The following CA12 variants were observed in gnomAD, a reference collection of about 807,000 sequenced individuals.
The protein encoded by CA12 is carbonate dehydratase XII.
In CA12, 36 loss-of-function variants were observed where a neutral mutation model predicts 46.8. The observed-to-expected ratio is 0.77, with a 90% CI of 0.59 to 1.02. The LOEUF (loss-of-function observed/expected upper bound fraction) is 1.02. CA12 is among the 50% of genes least tolerant of loss of function. The probability of loss-of-function intolerance (pLI) is 0.00; values close to 1 mark genes in which losing one functional copy is unlikely to be tolerated. For missense variants in CA12, 436 were observed against 451.4 expected (o/e 0.97, Z 0.31); for synonymous variants, 202 against 187.0 (o/e 1.08, Z -0.65).
At chr15:63,353,648 G>A (rs778356344) in intron 2 of CA12, among the ~76,000 whole-genome samples, 73 of 152,280 alleles carry the variant, frequency 4.8e-4, no homozygotes, top group Non-Finnish European at 8.7e-4. Context: ...AGAGGGGACC[G>A]CAGACTTCAT....
Position 63,340,128 on chromosome 15 carries a change from G to A in CA12, c.747+160C>T, listed in dbSNP as rs1253836365. ...CTTGACTTCTTTTGAAGCTCAGCCT[G>A]GAATTTCTGCGGTGCTTTCAGACAC... is the stretch of plus-strand genomic sequence containing the variant. On this transcript the variant is annotated intron_variant, in intron 7 of 10. Coordinates refer to ENST00000178638, the MANE Select transcript of CA12 (RefSeq NM_001218.5). This position sits in a 1 kb window ranked among gnomAD's most constrained non-coding sequence, Gnocchi z 4.4. 5.9e-6 allele frequency: 5 copies of A among 840,520 alleles called. No homozygotes were observed. The highest frequency in any genetic ancestry group is 2.7e-5 in the East Asian group (1 of 37,452). The allele number at this position is 840,520 out of a possible 1,614,324, so 52.1% of individuals were successfully genotyped here.
At chr15:63,337,790 T>A (rs1023151811) in intron 8 of CA12, among the ~76,000 whole-genome samples, 6 of 152,218 alleles carry the variant, frequency 3.9e-5, no homozygotes, top group African/African-American at 9.6e-5. Context: ...TTGGTCAGGC[T>A]GGACTTGAAC....
At chr15:63,349,082 CA>C (rs2039191316) in intron 2 of CA12, among the ~76,000 whole-genome samples, 1 of 152,140 alleles carries the variant, frequency 6.6e-6, no homozygotes, top group Non-Finnish European at 1.5e-5. Flanking sequence ...ATTCCAGCAT[CA>C]GCTGTCCCAA....
At position 63,340,429 on chromosome 15, in the gene CA12, G is replaced by A. The variant is rs1187519672; in HGVS notation, c.606C>T (p.Val202=). Residue 202 remains valine, a synonymous_variant, in exon 7 of 11, where the codon GTC becomes GTT. Transcript: ENST00000178638. This position sits in a 1 kb window ranked among gnomAD's most constrained non-coding sequence, Gnocchi z 4.4. ...HVKYKGQEAF[V]PGFNIEELLP... ...GCAGCTCTTCAATGTTGAATCCCGG[G>A]ACGAATGCTTCCTGGCCTAGAGAGA... 1.2e-6 allele frequency: 2 copies of A among 1,614,148 alleles called. No homozygotes were observed. Among genetic ancestry groups the A allele is most frequent in the East Asian group, 2.2e-5 (1 of 44,884 alleles).
At chr15:63,343,162 T>C (rs1406087665) in intron 4 of CA12, among the ~76,000 whole-genome samples, 2 of 152,070 alleles carry the variant, frequency 1.3e-5, no homozygotes, top group Non-Finnish European at 2.9e-5. Context: ...TATTTCCTTT[T>C]ACAGCTGACC....
chr15:63,327,149 C>T lies in CA12; in HGVS notation c.992G>A (p.Ser331Asn), dbSNP rs144490634. ...CCATTTTGGACCCAAACCAGCTCAC[C>T]TCTTCCTTCTGAAAAGCCAAATGGA... ...VVSIWLFRRK[S>N]IKKGDNKGVI... The change falls in exon 10 of 11, where the codon AGT becomes AAT. Residue 331 changes from serine to asparagine, a missense_variant and splice_region_variant. Transcript: ENST00000178638. The surrounding 1 kb of genome is among the most constrained non-coding windows in gnomAD (Gnocchi z 4.5). The T allele has an allele frequency of 4.2e-5, 68 of 1,613,858 alleles. No homozygotes were observed. In the African/African-American group the frequency reaches 8.3e-4, roughly 20 times the overall value.
chr15:63,326,114 T>G lies in CA12; in HGVS notation c.*171A>C, dbSNP rs1595772014. 1 of 655,868 alleles carries G rather than the reference T, an allele frequency of 1.5e-6. No homozygotes were observed. The allele number at this position is 655,868 out of a possible 1,614,324, so 40.6% of individuals were successfully genotyped here. A position where few individuals can be genotyped will look rare whatever the true frequency, so the allele number is the denominator to read the frequency against. ...ATCCATCGATCGGATGGCTCTGGGG[T>G]GGCCATGGTCCCAAGGCAAGGAGGC... On this transcript the variant is annotated 3_prime_UTR_variant, in exon 11 of 11. Coordinates refer to ENST00000178638, the MANE Select transcript of CA12 (RefSeq NM_001218.5).
intron 2 of CA12, among the ~76,000 whole-genome samples, chr15:63,352,446 G>C (rs1342912651): frequency 6.6e-6 from 1 of 152,232 alleles, no homozygotes; most frequent in African/African-American, 2.4e-5. Context: ...ACAGAAGAAA[G>C]AGGGGCTCAC....
In CA12 at chr15:63,338,869, C is replaced by T. The variant is rs757183883; in HGVS notation, c.824G>A (p.Arg275Gln). Reference protein sequence around the residue: ...PSPREMINNFRQVQKFDERLV... With the variant: ...PSPREMINNFQQVQKFDERLV... Reference sequence around the variant, plus strand: ...CCTCTCATCGAACTTCTGGACCTGCCGGAAGTTGTTGATCATTTCTCTGGG... The same window carrying T: ...CCTCTCATCGAACTTCTGGACCTGCTGGAAGTTGTTGATCATTTCTCTGGG... The change falls in exon 8 of 11, where the codon CGG (arginine) becomes CAG (glutamine). Residue 275 changes from arginine (R) to glutamine (Q), a missense_variant. Transcript: ENST00000178638. 15 of 1,614,146 alleles carry T rather than the reference C, an allele frequency of 9.3e-6. No individual in the cohort carries two copies. Among genetic ancestry groups the T allele is most frequent in the Admixed American group, 5.0e-5 (3 of 60,018 alleles).
chr15:63,370,131 A>G (rs1329217714), intron 2 of CA12, among the ~76,000 whole-genome samples: 1 of 152,168 alleles, frequency 6.6e-6, no homozygotes, highest in Non-Finnish European at 1.5e-5. Flanking sequence ...GCAGAAATCC[A>G]TGGGATTTGG....
At chr15:63,349,477 A>G (rs983200353) in intron 2 of CA12, among the ~76,000 whole-genome samples, 1 of 152,310 alleles carries the variant, frequency 6.6e-6, no homozygotes, top group African/African-American at 2.4e-5. Flanking sequence ...CTTGGGCACC[A>G]GTCACAGGTC....
At chr15:63,360,651 C>T (rs928201821) in intron 2 of CA12, among the ~76,000 whole-genome samples, 3 of 152,200 alleles carry the variant, frequency 2.0e-5, no homozygotes, top group Admixed American at 2.0e-4. Context: ...AAAACACTCA[C>T]CACCCATGCA....
chr15:63,328,729 C>G lies in CA12; in HGVS notation c.875-599G>C, dbSNP rs1408815481. On this transcript the variant is annotated intron_variant, in intron 8 of 10. Coordinates refer to ENST00000178638, the MANE Select transcript of CA12 (RefSeq NM_001218.5). This position sits in a 1 kb window ranked among gnomAD's most constrained non-coding sequence, Gnocchi z 5.9. ...GTTTGTGTTTTTTTTGAGACAGAGT[C>G]TCGCTCTGTCACACATGCTGGAGTG... is the stretch of plus-strand genomic sequence containing the variant. Among the ~76,000 whole-genome samples the G allele has an allele frequency of 6.6e-6, 1 of 152,076 alleles. No individual in the cohort carries two copies. Among genetic ancestry groups the G allele is most frequent in the Non-Finnish European group, 1.5e-5 (1 of 68,012 alleles).
chr15:63,348,318 T>G lies in CA12; in HGVS notation c.107-1609A>C, dbSNP rs2039180701. Among the ~76,000 whole-genome samples the G allele has an allele frequency of 6.6e-6, 1 of 152,170 alleles. No homozygotes were observed. The highest frequency in any genetic ancestry group is 2.4e-5 in the African/African-American group (1 of 41,444). ...TTTCAAGGCCTCAAAATAACTCAAC[T>G]ACACCAAGATGGTGACTAGGGAAGA... On this transcript the variant is annotated intron_variant, in intron 2 of 10. Transcript: ENST00000178638. The surrounding 1 kb of genome is among the most constrained non-coding windows in gnomAD (Gnocchi z 4.6).
rs372362408 is a variant in CA12, at chr15:63,334,589, G to A, written c.874+4230C>T. Among the ~76,000 whole-genome samples, 27 of 152,170 alleles carry A rather than the reference G, an allele frequency of 1.8e-4. No individual in the cohort carries two copies. In the East Asian group the frequency reaches 5.0e-3, roughly 28 times the overall value. On this transcript the variant is annotated intron_variant, in intron 8 of 10. Transcript: ENST00000178638. Reference sequence around the variant, plus strand: ...GCACTTTTTAAGAATGGAAAAAAGTGCCTGACATGACTTTCACTTTTCCAT... The same window carrying A: ...GCACTTTTTAAGAATGGAAAAAAGTACCTGACATGACTTTCACTTTTCCAT...
chr15:63,362,691 A>G (rs2039378953), intron 2 of CA12, among the ~76,000 whole-genome samples: 1 of 152,230 alleles, frequency 6.6e-6, no homozygotes, highest in Admixed American at 6.5e-5. Context: ...TGCTGGCTCA[A>G]TGTTTCACGT....
intron 2 of CA12, among the ~76,000 whole-genome samples, chr15:63,352,610 G>C (rs183461227): frequency 1.3e-5 from 2 of 152,188 alleles, no homozygotes; most frequent in Admixed American, 6.5e-5. Context: ...TGGAGAACCT[G>C]CCTGGGCCCA....
intron 8 of CA12, among the ~76,000 whole-genome samples, chr15:63,335,091 G>A (rs957622232): frequency 1.3e-5 from 2 of 152,190 alleles, no homozygotes; most frequent in African/African-American, 4.8e-5. Flanking sequence ...CCTCCTGCCT[G>A]CACAGAGTTG....
In CA12 at chr15:63,355,783, T is replaced by A. The variant is rs534515790; in HGVS notation, c.107-9074A>T. Among the ~76,000 whole-genome samples, 76 of 152,314 alleles carry A rather than the reference T, an allele frequency of 5.0e-4. No homozygotes were observed. In the South Asian group the frequency reaches 0.016, roughly 31 times the overall value. On this transcript the variant is annotated intron_variant, in intron 2 of 10. Coordinates refer to ENST00000178638, the MANE Select transcript of CA12 (RefSeq NM_001218.5). The surrounding 1 kb of genome is among the most constrained non-coding windows in gnomAD (Gnocchi z 4.1). ...GCTCACCACATGTTATCCTCCTTCA[T>A]CTTCCTTGGCCCATTCATGTGAGGA...
Sources: gnomAD v4.1 joint callset for allele counts (sites outside exome capture counted in the v4.1 genomes callset) on GRCh38, gnomAD v4.1.1 for gene constraint, Gnocchi (gnomAD v3.1) non-coding constraint, MANE v1.5 for transcripts, NCBI Gene and HGNC (gene_info 2026-07-23, HGNC 2026-07-21) for gene names.